The following POLRMT variants were observed in gnomAD, a reference collection of about 807,000 sequenced individuals.
The protein encoded by POLRMT is DNA-directed RNA polymerase, mitochondrial.
A neutral mutation model predicts 132.2 loss-of-function variants in POLRMT; 114 were observed. The observed-to-expected ratio is 0.86, with a 90% confidence interval of 0.74 to 1.01. POLRMT has a LOEUF of 1.01. Among genes scored for constraint, POLRMT ranks in the 50% least tolerant of loss-of-function variants. The probability of loss-of-function intolerance (pLI) is 0.00; values close to 1 mark genes in which losing one functional copy is unlikely to be tolerated. For synonymous variants in POLRMT, 1,020 were observed against 773.4 expected, an observed-to-expected ratio of 1.32 and a Z score of -5.29; for missense variants, 2,003 against 1,729.1, an observed-to-expected ratio of 1.16 and a Z score of -2.81.
chr19:633,384 C>T, intron 1 of POLRMT, 41 bp downstream of exon 1: 1 of 1,467,590 alleles, frequency 6.8e-7, no homozygotes, highest in Non-Finnish European at 9.0e-7. Flanking sequence ...GGAGCCCACG[C>T]CGTGGCCCCC....
At position 617,528 on chromosome 19, in the gene POLRMT, TG is replaced by T. The variant is rs55716325; in HGVS notation, c.3581+41del. ...GTGAGGCTGAGGCCAGGTTTTGGGG[TG>T]GGGGGGGAATCCAGGTAGTTGGGGT... is the stretch of plus-strand genomic sequence containing the variant. On this transcript the variant is annotated intron_variant, in intron 19 of 20. Coordinates refer to ENST00000588649, the MANE Select transcript of POLRMT (RefSeq NM_005035.4). 1.6e-4 allele frequency: 182 copies of T among 1,136,266 alleles called. 1 individual carries two copies. The highest frequency in any genetic ancestry group is 1.1e-3 in the African/African-American group (60 of 55,310). 70.4% of individuals were successfully genotyped at this position (1,136,266 alleles called of 1,614,324 possible). A position where few individuals can be genotyped will look rare whatever the true frequency, so the allele number is the denominator to read the frequency against.
Position 622,893 on chromosome 19 carries a change from G to C in POLRMT, c.1383C>G (p.Tyr461Ter), listed in dbSNP as rs762775997. Residue 461 changes from tyrosine (Y) to a stop codon, truncating the protein, a stop_gained, in exon 7 of 21, where the codon TAC (tyrosine) becomes TAG (stop). Transcript: ENST00000588649. LOFTEE classifies it high-confidence loss of function. The stretch of plus-strand genomic sequence containing the variant: ...AGGGGTAAAGTGAGAACCGGCCCTC[G>C]TACACCTCGCGCTCTAGGCGGTTCT... ...ETKNRLEREV[Y>*]EGRFSLYPFL... 6.2e-7 allele frequency: 1 copy of C among 1,611,828 alleles called. No individual in the cohort carries two copies. Among genetic ancestry groups the C allele is most frequent in the Non-Finnish European group, 8.5e-7 (1 of 1,179,532 alleles).
chr19:632,781 G>A (rs1186460482), intron 2 of POLRMT, 53 bp downstream of exon 2: 10 of 1,434,750 alleles, frequency 7.0e-6, no homozygotes, highest in South Asian at 2.5e-5. Context: ...CTTTTCTCCC[G>A]GCAGCAGGGA....
chr19:618,581 G>A lies in POLRMT; in HGVS notation c.3329C>T (p.Pro1110Leu), dbSNP rs749953042. 2.5e-6 allele frequency: 4 copies of A among 1,612,176 alleles called. No individual in the cohort carries two copies. Among genetic ancestry groups the A allele is most frequent in the African/African-American group, 1.3e-5 (1 of 74,902 alleles). ...YTHNGDISRK[P>L]NTRKQKNGFP... is the part of the protein sequence containing the mutation. Reference sequence around the variant, plus strand: ...GCCGTTCTTCTGCTTACGTGTGTTGGGCTTTCTGAGGACGGAACAGGTGCC... The same window carrying A: ...GCCGTTCTTCTGCTTACGTGTGTTGAGCTTTCTGAGGACGGAACAGGTGCC... The change falls in exon 17 of 21, where the codon CCC becomes CTC. Residue 1110 changes from proline to leucine, a missense_variant. Physicochemically the swap from Pro to Leu is moderately conservative, Grantham distance 98 (BLOSUM62 -3). Transcript: ENST00000588649.
At chr19:631,174 T>C (rs1985386603) in intron 2 of POLRMT, among the ~76,000 whole-genome samples, 1 of 151,266 alleles carries the variant, frequency 6.6e-6, no homozygotes, top group Non-Finnish European at 1.5e-5. Flanking sequence ...AAAAGACTGT[T>C]GAAATAAGCC....
rs533769422 is a variant in POLRMT at position 630,078 on chromosome 19, C to A, written c.284G>T (p.Gly95Val). Residue 95 changes from glycine to valine, a missense_variant, in exon 3 of 21, where the codon GGC (glycine) becomes GTC (valine). Coordinates refer to ENST00000588649, the MANE Select transcript of POLRMT (RefSeq NM_005035.4). ...TGGCTGGAGGCTACCATCTCCACTG[C>A]CACATTCTGGGAGCCGCGCCACATC... ...RVDVARLPEC[G>V]SGDGSLQPPR... The A allele has an allele frequency of 1.6e-5, 26 of 1,613,826 alleles. No homozygotes were observed. The highest frequency in any genetic ancestry group is 2.1e-5 in the Non-Finnish European group (25 of 1,179,996).
intron 3 of POLRMT, among the ~76,000 whole-genome samples, chr19:627,857 G>GGA (rs966669676): frequency 6.6e-6 from 1 of 150,918 alleles, no homozygotes; most frequent in Non-Finnish European, 1.5e-5. Flanking sequence ...CCCAGGAGGC[G>GGA]GAGGCTGTAG....
chr19:621,277 G>A lies in POLRMT; in HGVS notation c.2421C>T (p.Tyr807=), dbSNP rs1345623359. 5.0e-6 allele frequency: 8 copies of A among 1,606,626 alleles called. No homozygotes were observed. The highest frequency in any genetic ancestry group is 4.5e-5 in the East Asian group (2 of 44,728). ...GGTGGTTGAAGTGCGGCGGGCAGGG[G>A]TAGGTGCGGCCGCGGAAGTCCATGT... ...PHNMDFRGRT[Y]PCPPHFNHLG... is the part of the protein sequence containing the mutation. The change falls in exon 10 of 21, where the codon TAC becomes TAT. Residue 807 remains tyrosine, a synonymous_variant. Coordinates refer to ENST00000588649, the MANE Select transcript of POLRMT (RefSeq NM_005035.4).
In POLRMT at chr19:619,017, G is replaced by A. The variant is rs144090367; in HGVS notation, c.3247C>T (p.Arg1083Cys). ...CTGACCTTGACCTTGGAGTCCAGGC[G>A]ATAGGGCTGGATGACGGGGACGCCC... ...PLGVPVIQPY[R>C]LDSKVKQIGG... Residue 1083 changes from arginine (R) to cysteine (C), a missense_variant, in exon 15 of 21, where the codon CGC (arginine) becomes TGC (cysteine). Arg to Cys is a radical substitution (Grantham distance 180). Transcript: ENST00000588649. 205 of 1,593,958 alleles carry A rather than the reference G, an allele frequency of 1.3e-4. No homozygotes were observed. The highest frequency in any genetic ancestry group is 1.9e-4 in the Middle Eastern group (1 of 5,332).
In POLRMT at chr19:621,659, T is replaced by G; in HGVS notation, c.2039A>C (p.His680Pro). The change falls in exon 10 of 21, where the codon CAC becomes CCC. Residue 680 changes from histidine (H) to proline (P), a missense_variant. Coordinates refer to ENST00000588649, the MANE Select transcript of POLRMT (RefSeq NM_005035.4). The stretch of plus-strand genomic sequence containing the variant: ...CGGGCAGGTTTCCAGCAGCTCCTGG[T>G]GCTGCGTGGCGCCTTCCACCGTGCG... ...LMRTVEGATQ[H>P]QELLETCPPT... The G allele has an allele frequency of 1.3e-6, 2 of 1,542,658 alleles. No homozygotes were observed. The highest frequency in any genetic ancestry group is 1.7e-6 in the Non-Finnish European group (2 of 1,147,188).
chr19:628,059 G>T (rs1042954940), intron 3 of POLRMT, among the ~76,000 whole-genome samples: 3 of 152,186 alleles, frequency 2.0e-5, no homozygotes, highest in Non-Finnish European at 1.5e-5. Context: ...CAGCTGCTCG[G>T]GAGGCTGAGC....
Position 617,467 on chromosome 19 carries a change from A to G in POLRMT, c.3595T>C (p.Leu1199=), listed in dbSNP as rs1207526590. ...KRFCSEPQKI[L]EASQLKETLQ... The stretch of plus-strand genomic sequence containing the variant: ...GTCTCCTTCAGCTGGCTGGCCTCCA[A>G]GATCTTCTGGGGCCTGGGGTTGGAA... The change falls in exon 20 of 21, where the codon TTG becomes CTG. Residue 1199 remains leucine, a synonymous_variant. Transcript: ENST00000588649. 1.9e-6 allele frequency: 3 copies of G among 1,605,880 alleles called. No homozygotes were observed. The highest frequency in any genetic ancestry group is 1.1e-5 in the South Asian group (1 of 90,870).
At chr19:625,937 G>A (rs546132166) in intron 3 of POLRMT, among the ~76,000 whole-genome samples, 12 of 151,802 alleles carry the variant, frequency 7.9e-5, no homozygotes, top group African/African-American at 2.4e-4. Flanking sequence ...TCCTGACATC[G>A]TGATCCGCCA....
Position 625,168 on chromosome 19 carries a change from G to A in POLRMT, c.909C>T (p.Leu303=), listed in dbSNP as rs754071282. 8 of 1,613,932 alleles carry A rather than the reference G, an allele frequency of 5.0e-6. No homozygotes were observed. Among genetic ancestry groups the A allele is most frequent in the Non-Finnish European group, 5.1e-6 (6 of 1,179,970 alleles). The change falls in exon 4 of 21, where the codon CTC becomes CTT. Residue 303 remains leucine (L), a synonymous_variant. Coordinates refer to ENST00000588649, the MANE Select transcript of POLRMT (RefSeq NM_005035.4). ...TPDLLSYAAA[L]QCMGRQDQDA... ...CCTGGTCCTGCCTCCCCATGCACTG[G>A]AGGGCAGCCGCATAGGACAGCAGGT...
chr19:620,116 G>C (rs984156844), intron 11 of POLRMT, 36 bp from the exon 12 acceptor site: 16 of 1,533,458 alleles, frequency 1.0e-5, no homozygotes, highest in Middle Eastern at 1.7e-4. Context: ...ATGGAAGCTA[G>C]AGAGGCAGAG....
intron 17 of POLRMT, 88 bp downstream of exon 17, chr19:618,400 G>C: frequency 9.4e-7 from 1 of 1,065,458 alleles, no homozygotes; most frequent in Non-Finnish European, 1.4e-6. Flanking sequence ...CCTGCCCCCA[G>C]CTAGACCCAG....
Position 622,758 on chromosome 19 carries a change from G to A in POLRMT, c.1456-6C>T, listed in dbSNP as rs1255586177. 2.5e-6 allele frequency: 4 copies of A among 1,580,652 alleles called. No individual in the cohort carries two copies. The highest frequency in any genetic ancestry group is 2.3e-5 in the East Asian group (1 of 42,592). ...GCGGGCAGCGCCTGCAGGACCTGCGGAAGGCAGCCGTGAGTGCCTGCCCGC... is the reference window on the plus strand; with the variant it reads ...GCGGGCAGCGCCTGCAGGACCTGCGAAAGGCAGCCGTGAGTGCCTGCCCGC... On this transcript the variant is annotated splice_region_variant and splice_polypyrimidine_tract_variant and intron_variant, in intron 7 of 20. Coordinates refer to ENST00000588649, the MANE Select transcript of POLRMT (RefSeq NM_005035.4).
In POLRMT at chr19:619,086, G is replaced by A. The variant is rs1212677402; in HGVS notation, c.3178C>T (p.Leu1060Phe). The A allele has an allele frequency of 1.9e-6, 3 of 1,611,210 alleles. No individual in the cohort carries two copies. The highest frequency in any genetic ancestry group is 2.5e-6 in the Non-Finnish European group (3 of 1,179,202). The change falls in exon 15 of 21, where the codon CTC becomes TTC. Residue 1060 changes from leucine (L) to phenylalanine (F), a missense_variant. Leu to Phe is a conservative substitution (Grantham distance 22). Transcript: ENST00000588649. ...ACCACAGAGCCCATGTGGGAGATGAGGCGGGCACTCTCGGTCAGCCAGTGC... is the reference window on the plus strand; with the variant it reads ...ACCACAGAGCCCATGTGGGAGATGAAGCGGGCACTCTCGGTCAGCCAGTGC... ...IQHWLTESAR[L>F]ISHMGSVVEW...
chr19:621,583 G>A lies in POLRMT; in HGVS notation c.2115C>T (p.Cys705=), dbSNP rs374239154. The A allele has an allele frequency of 2.7e-4, 391 of 1,474,790 alleles. 11 individuals are homozygous for A. In the South Asian group the frequency reaches 3.5e-3, roughly 13 times the overall value. 91.4% of individuals were successfully genotyped at this position (1,474,790 alleles called of 1,614,324 possible). The change falls in exon 10 of 21, where the codon TGC becomes TGT. Residue 705 remains cysteine (C), a synonymous_variant. Coordinates refer to ENST00000588649, the MANE Select transcript of POLRMT (RefSeq NM_005035.4). The part of the protein sequence containing the change: ...ALDALTQLGN[C]AWRVNGRVLD... The stretch of plus-strand genomic sequence containing the variant: ...GCACGCGCCCGTTGACGCGCCAGGC[G>A]CAGTTGCCCAGTTGGGTGAGGGCGT...
Sources: gnomAD v4.1 joint callset for allele counts (sites outside exome capture counted in the v4.1 genomes callset) on GRCh38, gnomAD v4.1.1 for gene constraint, MANE v1.5 for transcripts, NCBI Gene and HGNC (gene_info 2026-07-23, HGNC 2026-07-21) for gene names.